Variants in VOPP1 observed in about 807,000 individuals in gnomAD.
VOPP1 encodes the protein VOPP1 WW domain binding protein, also known as WW domain binding protein VOPP1.
VOPP1 carries 8 observed loss-of-function variants against 23.5 expected under a neutral mutation model. That is an observed-to-expected ratio of 0.34 (90% CI 0.20 to 0.61). The LOEUF (loss-of-function observed/expected upper bound fraction) is 0.61, where lower values mean the gene tolerates loss of function less well. VOPP1 is among the 20% of genes least tolerant of loss of function. The pLI, the probability that VOPP1 is intolerant of heterozygous loss-of-function variation, is 0.78. For missense variants in VOPP1, 174 were observed against 238.1 expected (o/e 0.73, Z 1.77); for synonymous variants, 83 against 97.3 (o/e 0.85, Z 0.86).
downstream of VOPP1, among the ~76,000 whole-genome samples, chr7:55,466,737 C>T (rs1259934443): frequency 6.6e-6 from 1 of 152,172 alleles, no homozygotes; most frequent in Non-Finnish European, 1.5e-5. Flanking sequence ...AAGTGATCCT[C>T]CTGCCTCAGC....
chr7:55,564,243 G>GTCTCTGTCTCTCTCTCTCTCTCTC (rs1554302403), intron 1 of VOPP1, among the ~76,000 whole-genome samples: 65 of 125,982 alleles, frequency 5.2e-4, no homozygotes, highest in East Asian at 4.9e-3. Flanking sequence ...CTCTGTCTCT[G>GTCTCTGTCTCTCTCTCTCTCTCTC]TCTCTCTCTC....
downstream of VOPP1, among the ~76,000 whole-genome samples, chr7:55,467,476 C>T (rs1204185307): frequency 6.6e-6 from 1 of 152,244 alleles, no homozygotes; most frequent in Non-Finnish European, 1.5e-5. Flanking sequence ...CCCTCGCCAG[C>T]CACCTTCTGT....
At chr7:55,552,114 T>C (rs1222004937) in intron 1 of VOPP1, among the ~76,000 whole-genome samples, 1 of 146,746 alleles carries the variant, frequency 6.8e-6, no homozygotes, top group Non-Finnish European at 1.5e-5. Context: ...CAGGGACCAG[T>C]GACCCTGTGG....
At chr7:55,465,822 G>A (rs1470988009), downstream of VOPP1, among the ~76,000 whole-genome samples, 1 of 152,164 alleles carries the variant, frequency 6.6e-6, no homozygotes, top group African/African-American at 2.4e-5. Context: ...CATGACACCA[G>A]CAATGCACAG....
intron 1 of VOPP1, among the ~76,000 whole-genome samples, chr7:55,537,087 G>A (rs909061591): frequency 2.0e-5 from 3 of 152,168 alleles, no homozygotes; most frequent in African/African-American, 7.2e-5. Flanking sequence ...TGCAGATGGT[G>A]AGTCCAAGAT....
chr7:55,453,857 G>A (rs748733610), intron 4 of VOPP1, among the ~76,000 whole-genome samples: 15 of 152,086 alleles, frequency 9.9e-5, no homozygotes, highest in Non-Finnish European at 2.2e-4. Context: ...GCAATAAAGC[G>A]AAGTACAATA....
intron 4 of VOPP1, among the ~76,000 whole-genome samples, chr7:55,483,688 C>CA (rs1397665747): frequency 6.6e-6 from 1 of 152,226 alleles, no homozygotes; most frequent in Non-Finnish European, 1.5e-5. Context: ...TTTCCCATGT[C>CA]ATGCTCTTTA....
chr7:55,496,882 C>A (rs1292268674), intron 3 of VOPP1, among the ~76,000 whole-genome samples: 1 of 152,252 alleles, frequency 6.6e-6, no homozygotes, highest in African/African-American at 2.4e-5. Flanking sequence ...GGCATCACCA[C>A]TGCATGGGAG....
At chr7:55,468,251 C>CA (rs1474142418), downstream of VOPP1, among the ~76,000 whole-genome samples, 1 of 125,370 alleles carries the variant, frequency 8.0e-6, no homozygotes, top group Non-Finnish European at 1.6e-5. Flanking sequence ...AGCCTGGCGA[C>CA]AGAGCAAGAC....
At chr7:55,444,016 C>G (rs768556676) in intron 4 of VOPP1, among the ~76,000 whole-genome samples, 1 of 152,056 alleles carries the variant, frequency 6.6e-6, no homozygotes, top group African/African-American at 2.4e-5. Context: ...GGATTTGCTT[C>G]AATATGATGC....
In VOPP1 at chr7:55,471,751, T is replaced by C. The variant is rs1359353610; in HGVS notation, c.*1104A>G. 2 of 151,760 alleles carry C rather than the reference T, an allele frequency of 1.3e-5. No homozygotes were observed. The highest frequency in any genetic ancestry group is 2.9e-5 in the Non-Finnish European group (2 of 67,952). The allele number at this position is 151,760 out of a possible 1,614,324, so 9.4% of individuals were successfully genotyped here. A position where few individuals can be genotyped will look rare whatever the true frequency, so the allele number is the denominator to read the frequency against. ...ATTATGACAACATGGTCAGTGCAGTTGAGTCAGTACTTCTCCTGTCTTTTC... is the reference window on the plus strand; with the variant it reads ...ATTATGACAACATGGTCAGTGCAGTCGAGTCAGTACTTCTCCTGTCTTTTC... On this transcript the variant is annotated 3_prime_UTR_variant, in exon 5 of 5. Transcript: ENST00000285279.
chr7:55,442,235 C>T (rs1263560867), intron 4 of VOPP1, among the ~76,000 whole-genome samples: 1 of 152,072 alleles, frequency 6.6e-6, no homozygotes, highest in Non-Finnish European at 1.5e-5. Context: ...GCAGAGGTTC[C>T]ATCAGACCTT....
intron 4 of VOPP1, among the ~76,000 whole-genome samples, chr7:55,484,350 C>G (rs1792968297): frequency 6.6e-6 from 1 of 152,238 alleles, no homozygotes. Flanking sequence ...CCTCCTTCCA[C>G]CCCCTTGCCA....
At chr7:55,441,127 A>G (rs1278999787) in intron 4 of VOPP1, among the ~76,000 whole-genome samples, 1 of 152,178 alleles carries the variant, frequency 6.6e-6, no homozygotes, top group East Asian at 1.9e-4. Flanking sequence ...CATAGCCTCT[A>G]GGTTGCTTGC....
intron 1 of VOPP1, among the ~76,000 whole-genome samples, chr7:55,531,209 G>A (rs1001927819): frequency 2.0e-5 from 3 of 152,166 alleles, no homozygotes; most frequent in East Asian, 1.9e-4. Flanking sequence ...TGAAAGCAGC[G>A]ATAACAGATA....
chr7:55,564,186 G>C (rs1356148139), intron 1 of VOPP1, among the ~76,000 whole-genome samples: 1 of 150,676 alleles, frequency 6.6e-6, no homozygotes, highest in East Asian at 2.0e-4. Flanking sequence ...GGGGGAACTA[G>C]GAACTAGGAG....
At chr7:55,458,027 C>G (rs1791411356) in intron 4 of VOPP1, among the ~76,000 whole-genome samples, 1 of 152,062 alleles carries the variant, frequency 6.6e-6, no homozygotes. Flanking sequence ...GAAACATTTC[C>G]CCTGTGGTTT....
intron 1 of VOPP1, among the ~76,000 whole-genome samples, chr7:55,563,045 T>G (rs1798041458): frequency 6.6e-6 from 1 of 152,198 alleles, no homozygotes; most frequent in Non-Finnish European, 1.5e-5. Context: ...TTCCAGTAAA[T>G]TTTACTGTTT....
chr7:55,439,304 G>A (rs1790907546), intron 4 of VOPP1, among the ~76,000 whole-genome samples: 1 of 151,972 alleles, frequency 6.6e-6, no homozygotes, highest in Non-Finnish European at 1.5e-5. Flanking sequence ...AGCCGTGTGT[G>A]GAGAAGGGAG....
Sources: allele counts gnomAD v4.1 joint callset (sites outside exome capture counted in the v4.1 genomes callset), GRCh38; gene constraint gnomAD v4.1.1; transcripts MANE v1.5; gene names NCBI Gene and HGNC (gene_info 2026-07-23, HGNC 2026-07-21).